Variants in CEP20 observed in about 807,000 individuals in gnomAD.
CEP20 encodes FGFR1OP N-terminal like.
In CEP20, 18 loss-of-function variants were observed where a neutral mutation model predicts 20.0. The ratio of observed to expected loss-of-function variants is 0.90; its 90% CI spans 0.62 to 1.34. The LOEUF (loss-of-function observed/expected upper bound fraction) is 1.34. Among genes scored for constraint, CEP20 ranks in the 40% most tolerant of loss-of-function variants. The pLI, the probability that CEP20 is intolerant of heterozygous loss-of-function variation, is 0.00. For missense variants in CEP20, 215 were observed against 201.6 expected (o/e 1.07, Z -0.40); for synonymous variants, 77 against 73.7 (o/e 1.04, Z -0.23).
Position 15,879,850 on chromosome 16 carries a change from GA to G in CEP20, c.264del (p.Leu89SerfsTer5). 1 of 1,568,804 alleles carries G rather than the reference GA, an allele frequency of 6.4e-7. No individual in the cohort carries two copies. Among genetic ancestry groups the G allele is most frequent in the Non-Finnish European group, 8.6e-7 (1 of 1,166,254 alleles). Reference protein sequence around the residue: ...GQPVVPLDRQFLIHELNAFEE... With the variant: ...GQPVVPLDRQXLIHELNAFEE... ...TCAAATGCATTTAGTTCATGGATGAGAAACTGTCTGTCCAACGGAACTACAG... is the reference window on the plus strand; with the variant it reads ...TCAAATGCATTTAGTTCATGGATGAGAACTGTCTGTCCAACGGAACTACAG... On this transcript the variant is annotated frameshift_variant, in exon 3 of 5. Transcript: ENST00000255759. LOFTEE classifies it high-confidence loss of function.
intron 4 of CEP20, among the ~76,000 whole-genome samples, chr16:15,868,292 G>A (rs573874313): frequency 4.0e-5 from 6 of 151,546 alleles, no homozygotes; most frequent in Non-Finnish European, 5.9e-5. Flanking sequence ...GCGTGGTGGC[G>A]GGCACCTACA....
chr16:15,883,888 G>T, intron 2 of CEP20, 120 bp downstream of exon 2: 1 of 737,724 alleles, frequency 1.4e-6, no homozygotes, highest in Non-Finnish European at 2.2e-6. Flanking sequence ...TGTGATTTTT[G>T]TGTCCCAGTC....
rs2044662553 is a variant in CEP20 at position 15,865,720 on chromosome 16, G to C, written c.*1720C>G. 6.6e-6 allele frequency: 1 copy of C among 152,124 alleles called. No homozygotes were observed. The highest frequency in any genetic ancestry group is 1.5e-5 in the Non-Finnish European group (1 of 68,038). The allele number at this position is 152,124 out of a possible 1,614,324, so 9.4% of individuals were successfully genotyped here. A position where few individuals can be genotyped will look rare whatever the true frequency, so the allele number is the denominator to read the frequency against. ...ATATGAACACCCTTTGCACCAAAGTGACTTGCTTATTTTTTTTATTAAATG... is the reference window on the plus strand; with the variant it reads ...ATATGAACACCCTTTGCACCAAAGTCACTTGCTTATTTTTTTTATTAAATG... On this transcript the variant is annotated 3_prime_UTR_variant, in exon 5 of 5. Transcript: ENST00000255759.
intron 1 of CEP20, among the ~76,000 whole-genome samples, chr16:15,888,062 A>G (rs569702969): frequency 5.5e-5 from 8 of 146,470 alleles, no homozygotes; most frequent in African/African-American, 2.1e-4. Context: ...TGGGCGACAG[A>G]GAGACCCTCT....
intron 2 of CEP20, among the ~76,000 whole-genome samples, chr16:15,880,228 C>T (rs879854329): frequency 1.3e-5 from 2 of 152,158 alleles, no homozygotes; most frequent in African/African-American, 4.8e-5. Flanking sequence ...GGTGACAATA[C>T]TTATAAATAA....
rs368254453 is a variant in CEP20 at position 15,884,110 on chromosome 16, G to A, written c.124C>T (p.Pro42Ser). Reference sequence around the variant, plus strand: ...TTTTCATGAGACAATGATGGTCGGGGTTCACGGTCATCATCTAGGGCATTG... The same window carrying A: ...TTTTCATGAGACAATGATGGTCGGGATTCACGGTCATCATCTAGGGCATTG... The part of the protein sequence containing the change: ...VFNALDDDRE[P>S]RPSLSHENLL... The change falls in exon 2 of 5, where the codon CCC becomes TCC. Residue 42 changes from proline (P) to serine (S), a missense_variant. Pro to Ser is a moderately conservative substitution (Grantham distance 74, BLOSUM62 -1). Coordinates refer to ENST00000255759, the MANE Select transcript of CEP20 (RefSeq NM_144600.4). The A allele has an allele frequency of 6.2e-7, 1 of 1,613,976 alleles. No homozygotes were observed. Among genetic ancestry groups the A allele is most frequent in the African/African-American group, 1.3e-5 (1 of 74,912 alleles).
intron 4 of CEP20, among the ~76,000 whole-genome samples, chr16:15,872,847 G>A (rs574137275): frequency 3.0e-4 from 45 of 151,988 alleles, no homozygotes; most frequent in Admixed American, 7.2e-4. Flanking sequence ...AAATGTGGGC[G>A]ATTCTCCTAA....
chr16:15,878,397 G>A (rs1017970631), intron 3 of CEP20, among the ~76,000 whole-genome samples: 2 of 152,150 alleles, frequency 1.3e-5, no homozygotes, highest in African/African-American at 4.8e-5. Flanking sequence ...GGTAGTATAT[G>A]ATCCTGGAAC....
At chr16:15,880,178 CTGTT>C (rs887372687) in intron 2 of CEP20, among the ~76,000 whole-genome samples, 9 of 152,266 alleles carry the variant, frequency 5.9e-5, no homozygotes, top group Non-Finnish European at 1.2e-4. Flanking sequence ...TTTTGGAAGT[CTGTT>C]TATCAATAAC....
chr16:15,888,403 G>C (rs2045297938), intron 1 of CEP20, among the ~76,000 whole-genome samples, 155 bp downstream of exon 1: 1 of 152,148 alleles, frequency 6.6e-6, no homozygotes, highest in African/African-American at 2.4e-5. Context: ...CACGGGCCAA[G>C]ACAGCAGCCA....
Position 15,866,021 on chromosome 16 carries a change from G to A in CEP20, c.*1419C>T, listed in dbSNP as rs1045818989. The A allele has an allele frequency of 9.9e-5, 15 of 152,048 alleles. No individual in the cohort carries two copies. The highest frequency in any genetic ancestry group is 8.5e-4 in the Admixed American group (13 of 15,256). 9.4% of individuals were successfully genotyped at this position (152,048 alleles called of 1,614,324 possible). ...TTTATATTCACACATACAATACAAC[G>A]GAATTCATCAATGTAATCAGATATT... On this transcript the variant is annotated 3_prime_UTR_variant, in exon 5 of 5. Coordinates refer to ENST00000255759, the MANE Select transcript of CEP20 (RefSeq NM_144600.4).
chr16:15,875,177 GA>G (rs1484725879), intron 3 of CEP20, among the ~76,000 whole-genome samples: 1 of 152,082 alleles, frequency 6.6e-6, no homozygotes, highest in Non-Finnish European at 1.5e-5. Context: ...ATGCCACAGG[GA>G]AACCAGGAAA....
At chr16:15,869,518 C>CT (rs2044763255) in intron 4 of CEP20, among the ~76,000 whole-genome samples, 1 of 152,074 alleles carries the variant, frequency 6.6e-6, no homozygotes. Context: ...ACCATGTTGG[C>CT]TAGGCTGGTC....
rs116020728 is a variant in CEP20 at position 15,876,767 on chromosome 16, G to A, written c.311+3037C>T. ...CCAATCACTGAAGTGTGAGAAACAA[G>A]GGCTTAAAGAAGTTACCTAACTTTT... On this transcript the variant is annotated intron_variant, in intron 3 of 4. Coordinates refer to ENST00000255759, the MANE Select transcript of CEP20 (RefSeq NM_144600.4). Among the ~76,000 whole-genome samples, 143 of 152,080 alleles carry A rather than the reference G, an allele frequency of 9.4e-4. 1 individual carries two copies. The highest frequency in any genetic ancestry group is 3.3e-3 in the African/African-American group (139 of 41,502).
chr16:15,879,669 C>A (rs745879690), intron 3 of CEP20, 135 bp downstream of exon 3: 4 of 605,372 alleles, frequency 6.6e-6, no homozygotes, highest in Non-Finnish European at 1.1e-5. Context: ...TTCACTGCTG[C>A]ACACCCTGGA....
At chr16:15,870,992 G>C (rs999004182) in intron 4 of CEP20, among the ~76,000 whole-genome samples, 2 of 152,220 alleles carry the variant, frequency 1.3e-5, no homozygotes, top group Admixed American at 6.5e-5. Flanking sequence ...GCCAGATGCA[G>C]TGGCTCACAC....
At chr16:15,873,741 G>T in intron 3 of CEP20, 114 bp from the exon 4 acceptor site, 2 of 1,197,056 alleles carry the variant, frequency 1.7e-6, no homozygotes, top group Admixed American at 3.2e-5. Flanking sequence ...AAGACCAAGT[G>T]ATTCACTAGA....
At chr16:15,867,599 A>T in intron 4 of CEP20, 83 bp from the exon 5 acceptor site, 1 of 859,376 alleles carries the variant, frequency 1.2e-6, no homozygotes, top group Non-Finnish European at 1.8e-6. Flanking sequence ...ATATCTTAGG[A>T]TGTTACATAT....
chr16:15,872,151 A>G (rs1363171306), intron 4 of CEP20, among the ~76,000 whole-genome samples: 3 of 152,064 alleles, frequency 2.0e-5, no homozygotes, highest in African/African-American at 4.8e-5. Context: ...TGTCTCCACT[A>G]AAGATACAAA....
Sources: allele counts gnomAD v4.1 joint callset (sites outside exome capture counted in the v4.1 genomes callset), GRCh38; gene constraint gnomAD v4.1.1; transcripts MANE v1.5; gene names NCBI Gene and HGNC (gene_info 2026-07-23, HGNC 2026-07-21).